DNAH11: variants seen among roughly 807,000 people sequenced by gnomAD.
DNAH11 encodes dynein axonemal heavy chain 11, also known as axonemal beta dynein heavy chain 11.
In DNAH11, 442 loss-of-function variants were observed where a neutral mutation model predicts 526.0. The observed-to-expected ratio is 0.84, with a 90% confidence interval of 0.78 to 0.91. DNAH11 has a LOEUF of 0.91. DNAH11 is among the 40% of genes least tolerant of loss of function. DNAH11 has a pLI of 0.00. For missense variants in DNAH11, 6,989 were observed against 5,448.7 expected (o/e 1.28, Z -8.90); for synonymous variants, 2,461 against 1,935.9 (o/e 1.27, Z -7.12).
chr7:21,690,688 G>A (rs1783578340), intron 34 of DNAH11, 77 bp from the exon 35 acceptor site: 6 of 1,048,500 alleles, frequency 5.7e-6, no homozygotes, highest in African/African-American at 1.6e-5. Flanking sequence ...TTTGCATTTT[G>A]CAGTGGTTTG....
Position 21,558,908 on chromosome 7 carries a change from T to C in DNAH11, c.602T>C (p.Ile201Thr). 1 of 1,602,752 alleles carries C rather than the reference T, an allele frequency of 6.2e-7. No homozygotes were observed. Among genetic ancestry groups the C allele is most frequent in the Non-Finnish European group, 8.5e-7 (1 of 1,174,108 alleles). The change falls in exon 3 of 82, where the codon ATT becomes ACT. Residue 201 changes from isoleucine (I) to threonine (T), a missense_variant. Physicochemically the swap from Ile to Thr is moderately conservative, Grantham distance 89. Coordinates refer to ENST00000409508, the MANE Select transcript of DNAH11 (RefSeq NM_001277115.2). ...GAAGTCATGAAAAAGAAGATGTATA[T>C]TTTTAGGGGCAAAATGTCTAGAAGA... is the stretch of plus-strand genomic sequence containing the variant. ...HIEVMKKKMYIFRGKMSRRTL... is the reference protein window; with the variant it reads ...HIEVMKKKMYTFRGKMSRRTL...
chr7:21,816,467 G>C lies in DNAH11; in HGVS notation c.10333G>C (p.Val3445Leu). 1 of 1,597,074 alleles carries C rather than the reference G, an allele frequency of 6.3e-7. No homozygotes were observed. Among genetic ancestry groups the C allele is most frequent in the Non-Finnish European group, 8.5e-7 (1 of 1,171,866 alleles). ...GTTGCATTCAACTCTGATTTTAAAG[G>C]TTTCCATTCCACTAACCGAAGGCCT... Reference protein sequence around the residue: ...CKWVPFLQQKVSIPLTEGLDL... With the variant: ...CKWVPFLQQKLSIPLTEGLDL... The change falls in exon 64 of 82, where the codon GTT becomes CTT. Residue 3445 changes from valine to leucine, a missense_variant and splice_region_variant. Coordinates refer to ENST00000409508, the MANE Select transcript of DNAH11 (RefSeq NM_001277115.2).
At chr7:21,900,749 G>A (rs1468066337) in intron 81 of DNAH11, among the ~76,000 whole-genome samples, 1 of 139,274 alleles carries the variant, frequency 7.2e-6, no homozygotes, top group Non-Finnish European at 1.6e-5. Context: ...AATTCTCTTA[G>A]AATCCCATTT....
chr7:21,589,872 A>C (rs1448839390), intron 12 of DNAH11, among the ~76,000 whole-genome samples: 3 of 152,228 alleles, frequency 2.0e-5, no homozygotes, highest in African/African-American at 7.2e-5. Flanking sequence ...AATGAAAGAC[A>C]CGTCACGTTT....
intron 38 of DNAH11, 93 bp downstream of exon 38, chr7:21,704,721 A>T: frequency 7.3e-7 from 1 of 1,368,292 alleles, no homozygotes; most frequent in Admixed American, 2.8e-5. Flanking sequence ...GTTAACTTGT[A>T]CCCTAACCTT....
At chr7:21,580,906 C>G (rs1242904055) in intron 8 of DNAH11, among the ~76,000 whole-genome samples, 2 of 152,212 alleles carry the variant, frequency 1.3e-5, no homozygotes, top group East Asian at 3.8e-4. Context: ...GCTTTAAATT[C>G]CAGCCCTGAC....
intron 8 of DNAH11, among the ~76,000 whole-genome samples, chr7:21,574,298 G>A (rs1026343926): frequency 1.3e-5 from 2 of 152,096 alleles, no homozygotes; most frequent in Non-Finnish European, 2.9e-5. Context: ...TAACCCCTTG[G>A]CTCCACTTAG....
At chr7:21,564,064 A>G (rs1429274921) in intron 5 of DNAH11, 122 bp from the exon 6 acceptor site, 19 of 646,426 alleles carry the variant, frequency 2.9e-5, no homozygotes, top group Non-Finnish European at 4.1e-5. Flanking sequence ...TATAAAAGGA[A>G]CTATGACAAC....
intron 45 of DNAH11, 86 bp downstream of exon 45, chr7:21,726,070 A>T: frequency 3.0e-6 from 4 of 1,323,432 alleles, no homozygotes; most frequent in South Asian, 1.7e-5. Context: ...TATAAAGAAA[A>T]GAGGTTTAAT....
At chr7:21,836,897 CA>C (rs1364903967) in intron 65 of DNAH11, among the ~76,000 whole-genome samples, 2 of 151,558 alleles carry the variant, frequency 1.3e-5, no homozygotes, top group African/African-American at 4.8e-5. Context: ...AATTTAGTAG[CA>C]AAAAAATGAA....
chr7:21,779,247 A>C, intron 57 of DNAH11, 143 bp downstream of exon 57: 4 of 1,020,372 alleles, frequency 3.9e-6, no homozygotes, highest in Non-Finnish European at 5.4e-6. Flanking sequence ...ACAGCATTTC[A>C]CACCGTGATT....
chr7:21,796,391 A>G (rs1427938555), intron 61 of DNAH11, among the ~76,000 whole-genome samples: 1 of 152,202 alleles, frequency 6.6e-6, no homozygotes, highest in Non-Finnish European at 1.5e-5. Flanking sequence ...TTGGAAAGAT[A>G]GCTGTGGGCC....
At chr7:21,749,943 T>G in intron 53 of DNAH11, 142 bp downstream of exon 53, 1 of 1,293,146 alleles carries the variant, frequency 7.7e-7, no homozygotes, top group African/African-American at 1.5e-5. Context: ...CCTAACTAAT[T>G]TGAGGTGTAT....
Position 21,833,190 on chromosome 7 carries a change from A to G in DNAH11, c.10692-9354A>G, listed in dbSNP as rs562647386. 1.6e-4 allele frequency among the ~76,000 whole-genome samples: 25 copies of G among 152,354 alleles called. No individual in the cohort carries two copies. The South Asian group carries it at 5.2e-3, about 32-fold the overall frequency. ...GTTTAATTTTTAATTATAGGAATGT[A>G]TAAATTCTCTTTTCATCAGGGAATA... On this transcript the variant is annotated intron_variant, in intron 65 of 81. Transcript: ENST00000409508.
At chr7:21,718,061 C>A (rs1287453202) in intron 43 of DNAH11, 136 bp downstream of exon 43, 3 of 1,197,526 alleles carry the variant, frequency 2.5e-6, no homozygotes, top group African/African-American at 1.6e-5. Context: ...AACCCTCTTG[C>A]CCCCGCCCCC....
intron 40 of DNAH11, 23 bp downstream of exon 40, chr7:21,707,858 G>T: frequency 1.3e-6 from 2 of 1,539,512 alleles, no homozygotes; most frequent in South Asian, 1.3e-5. Context: ...CTTTAGAAGT[G>T]CTCAATTTTT....
intron 61 of DNAH11, among the ~76,000 whole-genome samples, chr7:21,800,509 G>A (rs1012655001): frequency 6.6e-6 from 1 of 152,126 alleles, no homozygotes; most frequent in African/African-American, 2.4e-5. Flanking sequence ...GTGCACACCT[G>A]TAATCCCAGC....
chr7:21,633,957 G>A (rs1047542011), intron 25 of DNAH11, among the ~76,000 whole-genome samples: 1 of 152,186 alleles, frequency 6.6e-6, no homozygotes, highest in Non-Finnish European at 1.5e-5. Flanking sequence ...TTCTTTATGG[G>A]GGTAGTGAAA....
chr7:21,599,962 T>A lies in DNAH11; in HGVS notation c.2843T>A (p.Met948Lys). The A allele has an allele frequency of 6.2e-7, 1 of 1,613,818 alleles. No individual in the cohort carries two copies. Among genetic ancestry groups the A allele is most frequent in the Non-Finnish European group, 8.5e-7 (1 of 1,179,846 alleles). Residue 948 changes from methionine (M) to lysine (K), a missense_variant, in exon 15 of 82, where the codon ATG (methionine) becomes AAG (lysine). Coordinates refer to ENST00000409508, the MANE Select transcript of DNAH11 (RefSeq NM_001277115.2). ...CCGGCACCGTTTTTTCAAGCACAAA[T>A]GATCTTGTTGCCTCCTGAGATTGTG... ...LKPAPFFQAQ[M>K]ILLPPEIVFK...
Sources: allele counts gnomAD v4.1 joint callset (sites outside exome capture counted in the v4.1 genomes callset), GRCh38; gene constraint gnomAD v4.1.1; transcripts MANE v1.5; gene names NCBI Gene and HGNC (gene_info 2026-07-23, HGNC 2026-07-21).